The following MICB variants were observed in gnomAD, a reference collection of about 807,000 sequenced individuals.
MICB encodes MHC class I antigen-related protein B.
Under a neutral mutation model 34.3 loss-of-function variants are expected in MICB, and 27 were observed. The ratio of observed to expected loss-of-function variants is 0.79; its 90% CI spans 0.58 to 1.08. MICB has a LOEUF of 1.08. MICB is among the 50% of genes least tolerant of loss of function. The probability of loss-of-function intolerance (pLI) is 0.00; values close to 1 mark genes in which losing one functional copy is unlikely to be tolerated. For missense variants in MICB, 426 were observed against 483.1 expected (o/e 0.88, Z 1.11); for synonymous variants, 153 against 187.4 (o/e 0.82, Z 1.50).
chr6:31,507,481 T>C lies in MICB; in HGVS notation c.974T>C (p.Ile325Thr). Residue 325 changes from isoleucine (I) to threonine (T), a missense_variant, in exon 5 of 6, where the codon ATT (isoleucine) becomes ACT (threonine). Physicochemically the swap from Ile to Thr is moderately conservative, Grantham distance 89 (BLOSUM62 -1). Transcript: ENST00000252229. This position sits in a 1 kb window ranked among gnomAD's most constrained non-coding sequence, Gnocchi z 6.0. ...ATGCCATGTTTTGTTATTATTATTA[T>C]TCTCTGTGTCCCTTGTTGCAAGAAG... Reference protein sequence around the residue: ...AAMPCFVIIIILCVPCCKKKT... With the variant: ...AAMPCFVIIITLCVPCCKKKT... The C allele has an allele frequency of 6.2e-7, 1 of 1,614,132 alleles. No individual in the cohort carries two copies. Among genetic ancestry groups the C allele is most frequent in the Middle Eastern group, 1.6e-4 (1 of 6,062 alleles).
rs371638435 is a variant in MICB, at chr6:31,507,270, G to A, written c.862G>A (p.Gly288Arg). 8.1e-6 allele frequency: 13 copies of A among 1,613,660 alleles called. No homozygotes were observed. Among genetic ancestry groups the A allele is most frequent in the African/African-American group, 5.3e-5 (4 of 74,908 alleles). The change falls in exon 4 of 6, where the codon GGG becomes AGG. Residue 288 changes from glycine to arginine, a missense_variant. Transcript: ENST00000252229. This position sits in a 1 kb window ranked among gnomAD's most constrained non-coding sequence, Gnocchi z 6.0. ...GTTCACCTGCTACATGGAACACAGC[G>A]GGAATCACGGCACTCACCCTGTGCC... ...QRFTCYMEHS[G>R]NHGTHPVPSG...
chr6:31,496,214 T>C (rs1156547342), upstream of MICB, among the ~76,000 whole-genome samples: 1 of 149,090 alleles, frequency 6.7e-6, no homozygotes, highest in Non-Finnish European at 1.5e-5. Flanking sequence ...GTAGAGGCTT[T>C]CCAGACAGAA....
intron 1 of MICB, 79 bp downstream of exon 1, chr6:31,498,342 C>G (rs1248079248): frequency 1.6e-6 from 2 of 1,217,016 alleles, no homozygotes; most frequent in Admixed American, 2.3e-5. Context: ...TTGCCGCGAG[C>G]GCTGTGCGGT....
At chr6:31,505,591 T>G (rs1765258444) in intron 1 of MICB, 26 bp from the exon 2 acceptor site, 2 of 1,607,892 alleles carry the variant, frequency 1.2e-6, no homozygotes, top group Admixed American at 3.3e-5. Flanking sequence ...AGGAAGAAGT[T>G]TCACCTGTGA....
rs1765327659 is a variant in MICB at position 31,506,369 on chromosome 6, G to T, written c.552G>T (p.Gln184His). Residue 184 changes from glutamine to histidine, a missense_variant, in exon 3 of 6, where the codon CAG (glutamine) becomes CAT (histidine). Gln to His is a conservative substitution (Grantham distance 24). Transcript: ENST00000252229. ...MKTKTHYRAM[Q>H]ADCLQKLQRY... ...CCAAGACACACTATCGCGCTATGCA[G>T]GCAGACTGCCTGCAGAAACTACAGC... 6.2e-7 allele frequency: 1 copy of T among 1,614,186 alleles called. No individual in the cohort carries two copies. Among genetic ancestry groups the T allele is most frequent in the Non-Finnish European group, 8.5e-7 (1 of 1,180,030 alleles).
At chr6:31,498,910 G>C (rs1215041471) in intron 1 of MICB, among the ~76,000 whole-genome samples, 2 of 152,158 alleles carry the variant, frequency 1.3e-5, no homozygotes, top group African/African-American at 4.8e-5. Flanking sequence ...TTCCCGGGCT[G>C]CTCCTGTGAA....
intron 5 of MICB, among the ~76,000 whole-genome samples, chr6:31,508,512 T>C (rs1434261265): frequency 6.6e-6 from 1 of 152,182 alleles, no homozygotes; most frequent in Non-Finnish European, 1.5e-5. Flanking sequence ...CGGCCCCTCA[T>C]GCCTGAGCAG....
chr6:31,496,595 T>C (rs1764678078), upstream of MICB: 1 of 152,038 alleles, frequency 6.6e-6, no homozygotes, highest in Admixed American at 6.5e-5. Flanking sequence ...CTCGATCTCC[T>C]GACCTCGTGA....
chr6:31,495,944 A>G, upstream of MICB, among the ~76,000 whole-genome samples: 1 of 152,258 alleles, frequency 6.6e-6, no homozygotes, highest in East Asian at 1.9e-4. Context: ...CACAGTCGGT[A>G]CCATCAGGAA....
In MICB at chr6:31,505,691, G is replaced by A; in HGVS notation, c.145G>A (p.Gly49Arg). ...TGTGCAGTCAGGGTTTCTCGCTGAG[G>A]GACATCTGGATGGTCAGCCCTTCCT... Reference protein sequence around the residue: ...GSVQSGFLAEGHLDGQPFLRY... With the variant: ...GSVQSGFLAERHLDGQPFLRY... The change falls in exon 2 of 6, where the codon GGA becomes AGA. Residue 49 changes from glycine (G) to arginine (R), a missense_variant. Transcript: ENST00000252229. 5 of 1,613,052 alleles carry A rather than the reference G, an allele frequency of 3.1e-6. No individual in the cohort carries two copies. The highest frequency in any genetic ancestry group is 4.2e-6 in the Non-Finnish European group (5 of 1,180,016).
chr6:31,498,650 G>GTTT (rs1764832522), intron 1 of MICB: 10 of 142,594 alleles, frequency 7.0e-5, no homozygotes, highest in South Asian at 1.7e-4. Context: ...TGTGTTTTTA[G>GTTT]TAGAGATGGG....
At chr6:31,503,322 G>A (rs1218196272) in intron 1 of MICB, among the ~76,000 whole-genome samples, 1 of 152,038 alleles carries the variant, frequency 6.6e-6, no homozygotes, top group Non-Finnish European at 1.5e-5. Context: ...TTCTTTAAAC[G>A]TTTAATTGTG....
At chr6:31,509,530 T>A (rs911310450) in intron 5 of MICB, among the ~76,000 whole-genome samples, 1 of 152,200 alleles carries the variant, frequency 6.6e-6, no homozygotes, top group African/African-American at 2.4e-5. Context: ...CTTGTCCTTT[T>A]GTCTTGGGGC....
chr6:31,500,821 T>G (rs1764978846), intron 1 of MICB, among the ~76,000 whole-genome samples: 1 of 152,218 alleles, frequency 6.6e-6, no homozygotes, highest in African/African-American at 2.4e-5. Context: ...CTTTCTCCAT[T>G]CGTCTGTTGA....
At chr6:31,505,318 C>A (rs1184739511) in intron 1 of MICB, among the ~76,000 whole-genome samples, 1 of 152,206 alleles carries the variant, frequency 6.6e-6, no homozygotes, top group African/African-American at 2.4e-5. Context: ...TCCTCCCTTG[C>A]CCCTGCAGGG....
In MICB at chr6:31,509,924, C is replaced by T. The variant is rs752484776; in HGVS notation, c.*15C>T. 3.8e-5 allele frequency: 61 copies of T among 1,584,682 alleles called. No individual in the cohort carries two copies. The highest frequency in any genetic ancestry group is 3.4e-4 in the Middle Eastern group (2 of 5,934). The stretch of plus-strand genomic sequence containing the variant: ...AGGGCACCTAGACTCTACAGCCAGG[C>T]GGCCAGGATTCAACTCCCTGCCTGG... On this transcript the variant is annotated 3_prime_UTR_variant, in exon 6 of 6. Transcript: ENST00000252229.
At chr6:31,504,998 C>T (rs1407620720) in intron 1 of MICB, among the ~76,000 whole-genome samples, 1 of 152,138 alleles carries the variant, frequency 6.6e-6, no homozygotes, top group Non-Finnish European at 1.5e-5. Flanking sequence ...AATTGCTGTC[C>T]TGGGGCCTTG....
At position 31,506,418 on chromosome 6, in the gene MICB, A is replaced by G. The variant is rs1183452173; in HGVS notation, c.601A>G (p.Ile201Val). The G allele has an allele frequency of 1.9e-6, 3 of 1,613,924 alleles. No homozygotes were observed. Among genetic ancestry groups the G allele is most frequent in the Admixed American group, 3.3e-5 (2 of 59,968 alleles). Residue 201 changes from isoleucine to valine, a missense_variant, in exon 3 of 6, where the codon ATC becomes GTC. By Grantham distance (29) the Ile-to-Val change is conservative. Transcript: ENST00000252229. ...GCGATATCTGAAATCCGGGGTGGCC[A>G]TCAGGAGAACAGGTACCGACCCTGG... ...LQRYLKSGVA[I>V]RRTVPPMVNV...
At chr6:31,505,953 G>A (rs9469019) in intron 2 of MICB, 82 bp downstream of exon 2, 77,924 of 1,501,932 alleles carry the variant, frequency 0.052, 3,486 homozygotes, top group Middle Eastern at 0.17. Context: ...GTCTCTTCCC[G>A]CTGGATCTGG....
Sources: allele counts gnomAD v4.1 joint callset (sites outside exome capture counted in the v4.1 genomes callset), GRCh38; gene constraint gnomAD v4.1.1; non-coding constraint Gnocchi (gnomAD v3.1); transcripts MANE v1.5; gene names NCBI Gene and HGNC (gene_info 2026-07-23, HGNC 2026-07-21).